INO80: variants seen among roughly 807,000 people sequenced by gnomAD.
The protein encoded by INO80 is INO80 complex ATPase subunit.
A neutral mutation model predicts 203.4 loss-of-function variants in INO80; 20 were observed. The observed-to-expected ratio is 0.10, with a 90% CI of 0.07 to 0.14. The LOEUF (loss-of-function observed/expected upper bound fraction) is 0.14. Ranked by LOEUF, INO80 falls within the 10% of genes least tolerant of loss-of-function variation. The pLI is 1.00. For missense variants in INO80, 1,419 were observed against 1,914.4 expected (o/e 0.74, Z 4.83); for synonymous variants, 726 against 685.2 (o/e 1.06, Z -0.93).
intron 13 of INO80, 40 bp downstream of exon 13, chr15:41,070,427 A>C (rs1566937308): frequency 6.5e-7 from 1 of 1,548,156 alleles, no homozygotes; most frequent in Admixed American, 1.7e-5. Context: ...ATTACCCTAA[A>C]TTCTAGAGAA....
intron 1 of INO80, among the ~76,000 whole-genome samples, chr15:41,108,001 G>A (rs1376003284): frequency 6.6e-6 from 1 of 151,942 alleles, no homozygotes; most frequent in Non-Finnish European, 1.5e-5. Flanking sequence ...TAGGGAGACT[G>A]AGGCAGGAGA....
chr15:41,044,942 G>A lies in INO80; in HGVS notation c.2869C>T (p.Leu957Phe), dbSNP rs997518539. 1.2e-6 allele frequency: 2 copies of A among 1,613,190 alleles called. No individual in the cohort carries two copies. The highest frequency in any genetic ancestry group is 1.7e-6 in the Non-Finnish European group (2 of 1,179,790). The change falls in exon 24 of 36, where the codon CTC (leucine) becomes TTC (phenylalanine). Residue 957 changes from leucine (L) to phenylalanine (F), a missense_variant. Leu to Phe is a conservative substitution (Grantham distance 22). Around this residue, in one of 9 missense-constraint regions of INO80, gnomAD observed 302 missense variants for 345.4 expected, o/e 0.87. Coordinates refer to ENST00000648947, the MANE Select transcript of INO80 (RefSeq NM_017553.3). ...KDFLLGVNFP[L>F]SFPNLCSCPL... ...CAGCTGCAAAGGTTTGGAAAGGAGA[G>A]TGGAAAATTAACCCCAAGAAGGAAA...
intron 24 of INO80, among the ~76,000 whole-genome samples, chr15:41,032,548 G>GT (rs2044505677): frequency 6.6e-6 from 1 of 152,156 alleles, no homozygotes; most frequent in African/African-American, 2.4e-5. Context: ...AAAACTTCCT[G>GT]TTTGGGGGGT....
At position 41,053,821 on chromosome 15, in the gene INO80, T is replaced by C. The variant is rs1219155979; in HGVS notation, c.2274+108A>G. ...TCTTTGATCCATGCAAGTTTAAACG[T>C]CTTCCTTCAAGCAAACTTCAACTAA... On this transcript the variant is annotated intron_variant, in intron 19 of 35. Transcript: ENST00000648947. 5.6e-6 allele frequency: 4 copies of C among 718,764 alleles called. No individual in the cohort carries two copies. In the South Asian group the frequency reaches 7.0e-5, roughly 13 times the overall value. 44.5% of individuals were successfully genotyped at this position (718,764 alleles called of 1,614,324 possible).
At chr15:41,103,006 C>T (rs192981099) in intron 1 of INO80, among the ~76,000 whole-genome samples, 3 of 152,282 alleles carry the variant, frequency 2.0e-5, no homozygotes, top group Non-Finnish European at 4.4e-5. Flanking sequence ...AGCATACAAT[C>T]CACATTTCTA....
chr15:41,044,635 G>A (rs2044722355), intron 24 of INO80, among the ~76,000 whole-genome samples: 1 of 151,902 alleles, frequency 6.6e-6, no homozygotes, highest in Non-Finnish European at 1.5e-5. Flanking sequence ...TTACACAAGT[G>A]TATACACATA....
intron 1 of INO80, among the ~76,000 whole-genome samples, chr15:41,105,662 A>T (rs1159388545): frequency 6.6e-6 from 1 of 152,202 alleles, no homozygotes; most frequent in Admixed American, 6.6e-5. Flanking sequence ...ATTTTAATTT[A>T]TTCAATCATT....
intron 33 of INO80, 37 bp downstream of exon 33, chr15:40,984,156 CTCCT>C: frequency 1.2e-6 from 2 of 1,603,196 alleles, no homozygotes; most frequent in South Asian, 2.2e-5. Flanking sequence ...GGTCAGGACA[CTCCT>C]TACGGCTGTG....
intron 7 of INO80, among the ~76,000 whole-genome samples, chr15:41,081,463 T>C (rs956378273): frequency 6.6e-6 from 1 of 152,184 alleles, no homozygotes; most frequent in African/African-American, 2.4e-5. Flanking sequence ...ACAGGAATCA[T>C]TAGGAGAAAG....
chr15:40,986,860 T>C (rs2043742411), intron 31 of INO80, among the ~76,000 whole-genome samples: 3 of 152,198 alleles, frequency 2.0e-5, no homozygotes, highest in Admixed American at 2.0e-4. Context: ...CTCAAACTCC[T>C]GACCTCAGGT....
At chr15:41,096,403 C>G (rs2045724666) in intron 1 of INO80, 50 bp from the exon 2 acceptor site, 5 of 1,310,670 alleles carry the variant, frequency 3.8e-6, no homozygotes, top group Admixed American at 3.0e-5. Flanking sequence ...TCCATTCTCC[C>G]TTTCTCTTGC....
At chr15:41,049,553 G>C in intron 20 of INO80, 133 bp from the exon 21 acceptor site, 1 of 824,720 alleles carries the variant, frequency 1.2e-6, no homozygotes, top group Non-Finnish European at 1.9e-6. Context: ...AATAGCCTTT[G>C]CTTATCTGGC....
chr15:41,106,717 T>C (rs2045885501), intron 1 of INO80, among the ~76,000 whole-genome samples: 1 of 152,364 alleles, frequency 6.6e-6, no homozygotes, highest in African/African-American at 2.4e-5. Flanking sequence ...AATGGAAATA[T>C]ATTTGTGTAT....
chr15:41,115,594 C>T lies in INO80; in HGVS notation c.-44+379G>A, dbSNP rs558391129. On this transcript the variant is annotated intron_variant, in intron 1 of 35. Transcript: ENST00000648947. The stretch of plus-strand genomic sequence containing the variant: ...CCTTCACGGGGTTCCCACTCAAGGC[C>T]TTCCAGCCTCCGCCCTGCCCCTGCC... 2.0e-5 allele frequency among the ~76,000 whole-genome samples: 3 copies of T among 152,306 alleles called. No individual in the cohort carries two copies. In the East Asian group the frequency reaches 5.8e-4, roughly 29 times the overall value.
At chr15:40,998,014 CTCTTT>C (rs1346644044) in intron 28 of INO80, among the ~76,000 whole-genome samples, 1 of 123,334 alleles carries the variant, frequency 8.1e-6, no homozygotes, top group African/African-American at 3.1e-5. Flanking sequence ...TTCCAAAACA[CTCTTT>C]TTTTTTTTTT....
At chr15:41,078,048 C>T (rs1259311522) in intron 9 of INO80, among the ~76,000 whole-genome samples, 3 of 151,874 alleles carry the variant, frequency 2.0e-5, no homozygotes, top group African/African-American at 4.8e-5. Flanking sequence ...TACAGGCGGC[C>T]GCCACCATGC....
At chr15:41,007,079 G>C (rs2044052198) in intron 27 of INO80, among the ~76,000 whole-genome samples, 1 of 150,034 alleles carries the variant, frequency 6.7e-6, no homozygotes, top group African/African-American at 2.4e-5. Flanking sequence ...GAACAACAAA[G>C]TAACTAGACA....
intron 28 of INO80, among the ~76,000 whole-genome samples, chr15:40,998,082 C>T (rs1312063127): frequency 1.4e-5 from 2 of 141,912 alleles, no homozygotes; most frequent in Admixed American, 7.5e-5. Flanking sequence ...AGTGTAGAGG[C>T]GCGATCTCAG....
At chr15:41,100,007 T>A (rs2045783731) in intron 1 of INO80, among the ~76,000 whole-genome samples, 3 of 152,130 alleles carry the variant, frequency 2.0e-5, no homozygotes, top group Admixed American at 1.3e-4. Flanking sequence ...TTTTACCTGA[T>A]AAGGAAAATG....
Sources: gnomAD v4.1 joint callset for allele counts (sites outside exome capture counted in the v4.1 genomes callset) on GRCh38, gnomAD v4.1.1 for gene constraint, gnomAD v4.1.1 regional missense constraint, MANE v1.5 for transcripts, NCBI Gene and HGNC (gene_info 2026-07-23, HGNC 2026-07-21) for gene names.